The following MCPH1 variants were observed in gnomAD, a reference collection of about 807,000 sequenced individuals.
The protein encoded by MCPH1 is microcephalin.
MCPH1 carries 104 observed loss-of-function variants against 84.5 expected under a neutral mutation model. The ratio of observed to expected loss-of-function variants is 1.23; its 90% confidence interval spans 1.05 to 1.45. The LOEUF (loss-of-function observed/expected upper bound fraction) is 1.45. MCPH1 is among the 40% of genes most tolerant of loss of function. The pLI is 0.00. For missense variants in MCPH1, 1,498 were observed against 1,005.7 expected, an observed-to-expected ratio of 1.49 and a Z score of -6.62; for synonymous variants, 514 against 366.8, an observed-to-expected ratio of 1.40 and a Z score of -4.58.
At chr8:6,611,253 A>C (rs1586792842) in intron 12 of MCPH1, among the ~76,000 whole-genome samples, 1 of 152,080 alleles carries the variant, frequency 6.6e-6, no homozygotes, top group Non-Finnish European at 1.5e-5. Context: ...CAATTGTGGC[A>C]CCGCCTGCCT....
intron 11 of MCPH1, among the ~76,000 whole-genome samples, chr8:6,481,544 A>C (rs916488797): frequency 6.6e-6 from 1 of 152,170 alleles, no homozygotes; most frequent in African/African-American, 2.4e-5. Flanking sequence ...ACCATTCTGC[A>C]TCTGTGGTAT....
intron 8 of MCPH1, 29 bp downstream of exon 8, chr8:6,445,576 T>A: frequency 6.4e-7 from 1 of 1,551,992 alleles, no homozygotes; most frequent in South Asian, 1.2e-5. Context: ...CCAAGTCACC[T>A]TCGCTAAATA....
intron 12 of MCPH1, chr8:6,513,840 A>C (rs1314963219): frequency 6.2e-7 from 1 of 1,603,480 alleles, no homozygotes; most frequent in South Asian, 1.1e-5. Context: ...AGGGTTACCA[A>C]ATCCCTGTAA....
chr8:6,420,866 G>A (rs539044782), intron 3 of MCPH1, among the ~76,000 whole-genome samples: 1 of 152,170 alleles, frequency 6.6e-6, no homozygotes, highest in Non-Finnish European at 1.5e-5. Flanking sequence ...AGAATTCCAC[G>A]GAGGAGCATA....
intron 12 of MCPH1, among the ~76,000 whole-genome samples, chr8:6,541,212 G>A (rs1306523504): frequency 2.0e-5 from 3 of 152,230 alleles, no homozygotes; most frequent in Non-Finnish European, 2.9e-5. Flanking sequence ...GCACCAGAGG[G>A]TTTCCCTGAC....
At chr8:6,496,879 C>A (rs1463697266) in intron 11 of MCPH1, among the ~76,000 whole-genome samples, 1 of 152,118 alleles carries the variant, frequency 6.6e-6, no homozygotes, top group Non-Finnish European at 1.5e-5. Flanking sequence ...TTGCCTTCCC[C>A]ACCCCACCCC....
chr8:6,648,043 T>C lies in MCPH1; in HGVS notation c.*4994T>C, dbSNP rs1042420991. The C allele has an allele frequency of 3.9e-5, 6 of 152,246 alleles. No homozygotes were observed. Among genetic ancestry groups the C allele is most frequent in the African/African-American group, 1.4e-4 (6 of 41,474 alleles). The allele number at this position is 152,246 out of a possible 1,614,324, so 9.4% of individuals were successfully genotyped here. A position where few individuals can be genotyped will look rare whatever the true frequency, so the allele number is the denominator to read the frequency against. On this transcript the variant is annotated 3_prime_UTR_variant, in exon 14 of 14. Transcript: ENST00000344683. ...AGCAATGAGTGCAGGTAGCTAACAC[T>C]GACCAACCTGCATCTGGTAGTTCAT...
chr8:6,508,570 T>C, intron 12 of MCPH1: 2 of 417,630 alleles, frequency 4.8e-6, no homozygotes. Context: ...ACTGTTGTGG[T>C]TGCTACTTGG....
At chr8:6,446,361 C>G (rs1390889525) in intron 8 of MCPH1, 1 of 984,750 alleles carries the variant, frequency 1.0e-6, no homozygotes, top group African/African-American at 1.7e-5. Flanking sequence ...CATGATTTCT[C>G]TGCTCTACAA....
At chr8:6,554,904 G>T (rs751331795) in intron 12 of MCPH1, among the ~76,000 whole-genome samples, 2 of 152,194 alleles carry the variant, frequency 1.3e-5, no homozygotes, top group Non-Finnish European at 2.9e-5. Flanking sequence ...GTCAAGTGGT[G>T]CAAGGAAGGA....
At chr8:6,558,140 G>C (rs536854405) in intron 12 of MCPH1, among the ~76,000 whole-genome samples, 27 of 152,240 alleles carry the variant, frequency 1.8e-4, no homozygotes, top group African/African-American at 6.3e-4. Context: ...GAAAGATCCT[G>C]ATTATGCTAT....
intron 9 of MCPH1, among the ~76,000 whole-genome samples, chr8:6,460,341 A>G (rs2129557338): frequency 6.6e-6 from 1 of 151,722 alleles, no homozygotes; most frequent in Non-Finnish European, 1.5e-5. Flanking sequence ...CTGAGTTTTA[A>G]CATGTATTAT....
intron 3 of MCPH1, among the ~76,000 whole-genome samples, chr8:6,424,126 G>C (rs1312476248): frequency 6.6e-6 from 1 of 152,170 alleles, no homozygotes; most frequent in African/African-American, 2.4e-5. Context: ...CCTTCTGGGA[G>C]TGTTCATTTT....
At chr8:6,590,053 C>T (rs1291556947) in intron 12 of MCPH1, among the ~76,000 whole-genome samples, 1 of 152,148 alleles carries the variant, frequency 6.6e-6, no homozygotes, top group Non-Finnish European at 1.5e-5. Flanking sequence ...AAACTTTGCA[C>T]ATTAGCACGT....
At chr8:6,473,301 G>A (rs527635156) in intron 9 of MCPH1, among the ~76,000 whole-genome samples, 1 of 139,756 alleles carries the variant, frequency 7.2e-6, no homozygotes, top group Non-Finnish European at 1.5e-5. Context: ...GCATTGAAAT[G>A]ACAGTTTTTC....
chr8:6,445,557 T>C lies in MCPH1; in HGVS notation c.1825+10T>C. 1 of 1,567,944 alleles carries C rather than the reference T, an allele frequency of 6.4e-7. No homozygotes were observed. The highest frequency in any genetic ancestry group is 8.6e-7 in the Non-Finnish European group (1 of 1,160,506). ...GGAGGATACAGTGGAAGTATGTGAA[T>C]CTCCTTTTCCAAGTCACCTTCGCTA... On this transcript the variant is annotated intron_variant, in intron 8 of 13. Coordinates refer to ENST00000344683, the MANE Select transcript of MCPH1 (RefSeq NM_024596.5).
intron 12 of MCPH1, among the ~76,000 whole-genome samples, chr8:6,577,522 C>G (rs1586691290): frequency 6.6e-6 from 1 of 152,328 alleles, no homozygotes; most frequent in African/African-American, 2.4e-5. Flanking sequence ...AGATTATATG[C>G]ACGTATTCTG....
chr8:6,624,687 T>C (rs1486732670), intron 13 of MCPH1, among the ~76,000 whole-genome samples: 1 of 152,206 alleles, frequency 6.6e-6, no homozygotes, highest in African/African-American at 2.4e-5. Flanking sequence ...GATTTTTTTG[T>C]ATTTTTCTCT....
intron 5 of MCPH1, 50 bp from the exon 6 acceptor site, chr8:6,438,903 A>G (rs763699362): frequency 1.3e-6 from 2 of 1,577,646 alleles, no homozygotes; most frequent in Non-Finnish European, 1.7e-6. Flanking sequence ...ACATTCCTGA[A>G]GTATGAAGGC....
Sources: gnomAD v4.1 joint callset for allele counts (sites outside exome capture counted in the v4.1 genomes callset) on GRCh38, gnomAD v4.1.1 for gene constraint, MANE v1.5 for transcripts, NCBI Gene and HGNC (gene_info 2026-07-23, HGNC 2026-07-21) for gene names.